The following SRPK2 variants were observed in gnomAD, a reference collection of about 807,000 sequenced individuals.
SRPK2 encodes SFRS protein kinase 2.
Under a neutral mutation model 90.8 loss-of-function variants are expected in SRPK2, and 21 were observed. The ratio of observed to expected loss-of-function variants is 0.23; its 90% CI spans 0.16 to 0.33. The LOEUF (loss-of-function observed/expected upper bound fraction) is 0.33, where lower values mean the gene tolerates loss of function less well. SRPK2 is among the 10% of genes least tolerant of loss of function. The pLI is 1.00. For missense variants in SRPK2, 620 were observed against 869.0 expected, an observed-to-expected ratio of 0.71 and a Z score of 3.60; for synonymous variants, 288 against 311.1, an observed-to-expected ratio of 0.93 and a Z score of 0.78.
chr7:105,382,700 G>A (rs188877034), intron 2 of SRPK2, among the ~76,000 whole-genome samples: 175 of 151,862 alleles, frequency 1.2e-3, no homozygotes, highest in Non-Finnish European at 1.6e-3. Context: ...CATTCTCAAA[G>A]TGGCAACATT....
chr7:105,294,102 C>T (rs1352221906), intron 2 of SRPK2, among the ~76,000 whole-genome samples: 2 of 152,152 alleles, frequency 1.3e-5, no homozygotes, highest in African/African-American at 4.8e-5. Context: ...ATACCTGTAC[C>T]CATGTGCCCC....
intron 11 of SRPK2, among the ~76,000 whole-genome samples, chr7:105,135,336 A>G (rs929379162): frequency 1.3e-5 from 2 of 152,098 alleles, no homozygotes; most frequent in Admixed American, 6.5e-5. Flanking sequence ...GAGTCAGGAC[A>G]GCATCTGGGC....
chr7:105,182,000 G>A (rs1002442330), intron 3 of SRPK2, among the ~76,000 whole-genome samples: 4 of 151,660 alleles, frequency 2.6e-5, no homozygotes, highest in Admixed American at 1.3e-4. Flanking sequence ...GGGCCAAGGC[G>A]GGTGGATCAC....
chr7:105,389,039 G>C (rs1411611570), upstream of SRPK2: 3 of 941,294 alleles, frequency 3.2e-6, no homozygotes, highest in African/African-American at 6.1e-5. Context: ...AGCGCCGCGC[G>C]CCCAGCGCCC....
rs184809225 is a variant in SRPK2 at position 105,375,022 on chromosome 7, G to A, written c.71+13626C>T. Among the ~76,000 whole-genome samples the A allele has an allele frequency of 5.9e-3, 898 of 152,188 alleles. 4 individuals carry two copies. The highest frequency in any genetic ancestry group is 0.016 in the African/African-American group (665 of 41,542). ...CACAGGAAGAGAAAAAGGCCAGAAG[G>A]AAATATAACAAAATATTAGCAACAT... is the stretch of plus-strand genomic sequence containing the variant. On this transcript the variant is annotated intron_variant, in intron 2 of 15. Transcript: ENST00000393651.
chr7:105,327,866 T>C (rs1040208224), intron 2 of SRPK2, among the ~76,000 whole-genome samples: 1 of 152,236 alleles, frequency 6.6e-6, no homozygotes, highest in African/African-American at 2.4e-5. Flanking sequence ...AGTGGCGTGA[T>C]CCCGGCTCAC....
At chr7:105,383,788 A>G (rs991052028) in intron 2 of SRPK2, among the ~76,000 whole-genome samples, 3 of 152,210 alleles carry the variant, frequency 2.0e-5, no homozygotes, top group Admixed American at 6.5e-5. Context: ...ACTATTCAAC[A>G]ATATAAAGGA....
At chr7:105,235,727 T>C (rs555513097) in intron 2 of SRPK2, among the ~76,000 whole-genome samples, 1 of 151,682 alleles carries the variant, frequency 6.6e-6, no homozygotes, top group South Asian at 2.1e-4. Context: ...TTAAAATATC[T>C]TTAAAAAAAA....
In SRPK2 at chr7:105,126,146, G is replaced by A. The variant is rs762189284; in HGVS notation, c.1915+102C>T. Reference sequence around the variant, plus strand: ...TAGGAATTCTGCTGGGTTGCGTTTCGAATTTAGGAGAAATGCCTTTGTCAC... The same window carrying A: ...TAGGAATTCTGCTGGGTTGCGTTTCAAATTTAGGAGAAATGCCTTTGTCAC... On this transcript the variant is annotated intron_variant, in intron 15 of 15. Coordinates refer to ENST00000393651, the MANE Select transcript of SRPK2 (RefSeq NM_182692.3). The A allele has an allele frequency of 1.7e-5, 18 of 1,029,830 alleles. No individual in the cohort carries two copies. The African/African-American group carries it at 1.8e-4, about 10-fold the overall frequency. The allele number at this position is 1,029,830 out of a possible 1,614,324, so 63.8% of individuals were successfully genotyped here. A position where few individuals can be genotyped will look rare whatever the true frequency, so the allele number is the denominator to read the frequency against.
At chr7:105,295,538 T>C (rs1224147008) in intron 2 of SRPK2, among the ~76,000 whole-genome samples, 1 of 152,188 alleles carries the variant, frequency 6.6e-6, no homozygotes, top group Non-Finnish European at 1.5e-5. Context: ...AAAGTATTGT[T>C]TAACTCTGCT....
chr7:105,247,892 CAG>C (rs1199280694), intron 2 of SRPK2, among the ~76,000 whole-genome samples: 5 of 144,396 alleles, frequency 3.5e-5, no homozygotes, highest in Admixed American at 7.0e-5. Context: ...TTTTTTGAGA[CAG>C]AGTTTCACTC....
At chr7:105,206,189 G>A (rs1319424745) in intron 2 of SRPK2, among the ~76,000 whole-genome samples, 2 of 152,004 alleles carry the variant, frequency 1.3e-5, no homozygotes, top group Non-Finnish European at 2.9e-5. Flanking sequence ...AAAAATGCGT[G>A]TAGACACTGA....
intron 2 of SRPK2, among the ~76,000 whole-genome samples, chr7:105,295,487 A>G (rs188175965): frequency 1.3e-5 from 2 of 152,206 alleles, no homozygotes; most frequent in East Asian, 3.8e-4. Context: ...AGTATGACAC[A>G]TGCTACAAGA....
At chr7:105,367,806 A>C (rs1819245515) in intron 2 of SRPK2, among the ~76,000 whole-genome samples, 1 of 152,210 alleles carries the variant, frequency 6.6e-6, no homozygotes, top group Non-Finnish European at 1.5e-5. Context: ...AGCATCTACA[A>C]ATATTTTAAG....
intron 2 of SRPK2, among the ~76,000 whole-genome samples, chr7:105,343,929 A>G (rs529788127): frequency 2.6e-5 from 4 of 151,934 alleles, no homozygotes; most frequent in Non-Finnish European, 5.9e-5. Flanking sequence ...CACCCGGCTA[A>G]TTTTTGTATT....
chr7:105,354,724 A>G (rs949613054), intron 2 of SRPK2, among the ~76,000 whole-genome samples: 4 of 152,306 alleles, frequency 2.6e-5, no homozygotes, highest in East Asian at 3.9e-4. Flanking sequence ...GTTGTTTTTT[A>G]ATAACAACTA....
In SRPK2 at chr7:105,348,008, A is replaced by G. The variant is rs376571835; in HGVS notation, c.71+40640T>C. On this transcript the variant is annotated intron_variant, in intron 2 of 15. Coordinates refer to ENST00000393651, the MANE Select transcript of SRPK2 (RefSeq NM_182692.3). ...AAAACAGAAATCAAAATGTTTTCAAATTAGTCCATACCAGTGACATATACC... is the reference window on the plus strand; with the variant it reads ...AAAACAGAAATCAAAATGTTTTCAAGTTAGTCCATACCAGTGACATATACC... Among the ~76,000 whole-genome samples, 4 of 151,664 alleles carry G rather than the reference A, an allele frequency of 2.6e-5. No individual in the cohort carries two copies. In the East Asian group the frequency reaches 7.7e-4, roughly 29 times the overall value.
intron 2 of SRPK2, among the ~76,000 whole-genome samples, chr7:105,228,205 T>C (rs1402003576): frequency 1.3e-5 from 2 of 152,050 alleles, no homozygotes; most frequent in African/African-American, 4.8e-5. Flanking sequence ...CCTAATTTCA[T>C]ATGAAAAAAA....
At chr7:105,322,242 TCCCA>T (rs1260851358) in intron 2 of SRPK2, among the ~76,000 whole-genome samples, 1 of 152,004 alleles carries the variant, frequency 6.6e-6, no homozygotes, top group Admixed American at 6.6e-5. Context: ...TGTTGTGGAA[TCCCA>T]CCTCTACTAA....
Sources: allele counts gnomAD v4.1 joint callset (sites outside exome capture counted in the v4.1 genomes callset), GRCh38; gene constraint gnomAD v4.1.1; transcripts MANE v1.5; gene names NCBI Gene and HGNC (gene_info 2026-07-23, HGNC 2026-07-21).